Variants in RAPGEFL1 observed in about 807,000 individuals in gnomAD.
The protein encoded by RAPGEFL1 is rap guanine nucleotide exchange factor-like 1.
In RAPGEFL1, 31 loss-of-function variants were observed where a neutral mutation model predicts 64.4. That is an observed-to-expected ratio of 0.48 (90% CI 0.36 to 0.65). The LOEUF (loss-of-function observed/expected upper bound fraction) is 0.65, where lower values mean the gene tolerates loss of function less well. RAPGEFL1 is among the 30% of genes least tolerant of loss of function. The pLI is 0.00. For missense variants in RAPGEFL1, 682 were observed against 677.4 expected (o/e 1.01, Z -0.08); for synonymous variants, 331 against 274.1 (o/e 1.21, Z -2.05).
rs1990402161 is a variant in RAPGEFL1, at chr17:40,194,639, C to G, written c.*851C>G. On this transcript the variant is annotated 3_prime_UTR_variant, in exon 15 of 15. Coordinates refer to ENST00000620260, the MANE Select transcript of RAPGEFL1 (RefSeq NM_016339.6). ...CTCAGCTGCCTAGAGGACCCTCCCC[C>G]TGCCTTGCAGTGGGCTCGGGTAGAG... 6.5e-6 allele frequency: 1 copy of G among 152,704 alleles called. No homozygotes were observed. The highest frequency in any genetic ancestry group is 1.9e-4 in the East Asian group (1 of 5,186). 9.5% of individuals were successfully genotyped at this position (152,704 alleles called of 1,614,324 possible). A position where few individuals can be genotyped will look rare whatever the true frequency, so the allele number is the denominator to read the frequency against.
intron 4 of RAPGEFL1, 37 bp from the exon 5 acceptor site, chr17:40,188,829 G>A: frequency 6.4e-7 from 1 of 1,554,018 alleles, no homozygotes; most frequent in Non-Finnish European, 8.9e-7. Context: ...CCATATGCCT[G>A]GCAGGGCGTG....
rs757909934 is a variant in RAPGEFL1 at position 40,177,477 on chromosome 17, C to T, written c.-385C>T. 10 of 633,156 alleles carry T rather than the reference C, an allele frequency of 1.6e-5. No individual in the cohort carries two copies. The highest frequency in any genetic ancestry group is 3.5e-5 in the South Asian group (2 of 57,254). 39.2% of individuals were successfully genotyped at this position (633,156 alleles called of 1,614,324 possible). On this transcript the variant is annotated 5_prime_UTR_variant, in exon 1 of 15. Coordinates refer to ENST00000620260, the MANE Select transcript of RAPGEFL1 (RefSeq NM_016339.6). ...GCGGTCTCGGTTCTGCCACCTTCCCCCTCTTCACGGCCAGGAGCGCAGCCG... is the reference window on the plus strand; with the variant it reads ...GCGGTCTCGGTTCTGCCACCTTCCCTCTCTTCACGGCCAGGAGCGCAGCCG...
intron 5 of RAPGEFL1, 45 bp downstream of exon 5, chr17:40,189,023 G>T (rs964377181): frequency 1.7e-6 from 2 of 1,200,236 alleles, no homozygotes; most frequent in East Asian, 4.8e-5. Flanking sequence ...GAGTGGCTCA[G>T]GGGGACATAT....
Position 40,191,552 on chromosome 17 carries a change from C to A in RAPGEFL1, c.1515-30C>A. The A allele has an allele frequency of 6.4e-7, 1 of 1,566,416 alleles. No homozygotes were observed. The highest frequency in any genetic ancestry group is 8.6e-7 in the Non-Finnish European group (1 of 1,157,532). The stretch of plus-strand genomic sequence containing the variant: ...GAGGCCGGAGGCCCGCGCCGCCGCC[C>A]GCCCCTGACCCCGCCTCCCACCCCC... On this transcript the variant is annotated intron_variant, in intron 9 of 14. Transcript: ENST00000620260. The surrounding 1 kb of genome is among the most constrained non-coding windows in gnomAD (Gnocchi z 5.1).
chr17:40,182,227 A>G (rs2145203803), intron 2 of RAPGEFL1, among the ~76,000 whole-genome samples: 1 of 152,238 alleles, frequency 6.6e-6, no homozygotes, highest in South Asian at 2.1e-4. Context: ...TGCCCTGCCT[A>G]TCTATTAGCT....
rs1483320606 is a variant in RAPGEFL1 at position 40,191,724 on chromosome 17, C to T, written c.1605+52C>T. ...TGGGAATCTGGGCATCCCGGGCTCC[C>T]CGAAGTGCGTCCTCCCGGGACGGCC... On this transcript the variant is annotated intron_variant, in intron 10 of 14. Transcript: ENST00000620260. This position sits in a 1 kb window ranked among gnomAD's most constrained non-coding sequence, Gnocchi z 5.1. 1.3e-6 allele frequency: 2 copies of T among 1,547,466 alleles called. No individual in the cohort carries two copies. Among genetic ancestry groups the T allele is most frequent in the South Asian group, 2.3e-5 (2 of 85,770 alleles).
Position 40,191,571 on chromosome 17 carries a change from C to T in RAPGEFL1, c.1515-11C>T, listed in dbSNP as rs1469191294. ...GCCGCCCGCCCCTGACCCCGCCTCCCACCCCCGCAGCTGCAAGCAGAACCA... is the reference window on the plus strand; with the variant it reads ...GCCGCCCGCCCCTGACCCCGCCTCCTACCCCCGCAGCTGCAAGCAGAACCA... On this transcript the variant is annotated splice_polypyrimidine_tract_variant and intron_variant, in intron 9 of 14. Transcript: ENST00000620260. This position sits in a 1 kb window ranked among gnomAD's most constrained non-coding sequence, Gnocchi z 5.1. The T allele has an allele frequency of 1.3e-6, 2 of 1,599,074 alleles. No homozygotes were observed. The highest frequency in any genetic ancestry group is 1.7e-5 in the Admixed American group (1 of 57,946).
chr17:40,184,674 C>G lies in RAPGEFL1; in HGVS notation c.829C>G (p.Leu277Val). ...GCACCAGCTGGTGGAGACGGTGGAA[C>G]TAAAGTGAGGGGGAGTGGGGCAGGG... ...RLHQLVETVE[L>V]KIPEENQPPS... The change falls in exon 4 of 15, where the codon CTA becomes GTA. Residue 277 changes from leucine (L) to valine (V), a missense_variant. By Grantham distance (32) the Leu-to-Val change is conservative. Transcript: ENST00000620260. 1 of 1,565,594 alleles carries G rather than the reference C, an allele frequency of 6.4e-7. No individual in the cohort carries two copies. Among genetic ancestry groups the G allele is most frequent in the African/African-American group, 1.4e-5 (1 of 73,778 alleles).
In RAPGEFL1 at chr17:40,190,477, ACTGGGCATCAACAGCCAC is replaced by A. The variant is rs1415761037; in HGVS notation, c.1162_1179del (p.Gly388_Leu393del). 6.2e-7 allele frequency: 1 copy of A among 1,614,016 alleles called. No individual in the cohort carries two copies. Among genetic ancestry groups the A allele is most frequent in the Non-Finnish European group, 8.5e-7 (1 of 1,180,032 alleles). On this transcript the variant is annotated inframe_deletion, in exon 7 of 15. Transcript: ENST00000620260. ...CCACTGAGGACTGTGTTTTCACCGCACTGGGCATCAACAGCCACCTGTTTGCCTGTACTCGGGACAGCT... is the reference window on the plus strand; with the variant it reads ...CCACTGAGGACTGTGTTTTCACCGCACTGTTTGCCTGTACTCGGGACAGCT...
intron 2 of RAPGEFL1, 138 bp from the exon 3 acceptor site, chr17:40,184,076 T>C (rs1042720360): frequency 1.8e-5 from 13 of 736,940 alleles, no homozygotes; most frequent in Non-Finnish European, 2.9e-5. Context: ...ACTCCTGACC[T>C]CAGGTGATCC....
chr17:40,182,393 C>T (rs1009659627), intron 2 of RAPGEFL1, among the ~76,000 whole-genome samples: 2 of 151,660 alleles, frequency 1.3e-5, no homozygotes, highest in Non-Finnish European at 2.9e-5. Context: ...CTCACTGCAG[C>T]CTCTGCCTCC....
rs1490088144 is a variant in RAPGEFL1 at position 40,188,987 on chromosome 17, G to A, written c.946+9G>A. On this transcript the variant is annotated intron_variant, in intron 5 of 14. Transcript: ENST00000620260. ...CCGGGGCTCTGATGAGAGTGAGTGT[G>A]GGCATTAGGAGGGGCAGGGTGTCCT... 1.9e-6 allele frequency: 3 copies of A among 1,611,748 alleles called. No individual in the cohort carries two copies. The highest frequency in any genetic ancestry group is 1.3e-5 in the African/African-American group (1 of 74,962).
At chr17:40,189,437 TG>T in intron 6 of RAPGEFL1, 62 bp downstream of exon 6, 2 of 1,571,400 alleles carry the variant, frequency 1.3e-6, no homozygotes, top group Admixed American at 1.7e-5. Flanking sequence ...CTCAGGGCTC[TG>T]GGGGAGGGGT....
chr17:40,189,409 A>G (rs750253877), intron 6 of RAPGEFL1, 34 bp downstream of exon 6: 6 of 1,609,686 alleles, frequency 3.7e-6, no homozygotes, highest in East Asian at 2.2e-5. Flanking sequence ...TGATGCTCCG[A>G]GAGGAGAAAC....
At chr17:40,186,700 C>T (rs1415038551) in intron 4 of RAPGEFL1, among the ~76,000 whole-genome samples, 2 of 147,988 alleles carry the variant, frequency 1.4e-5, no homozygotes, top group African/African-American at 5.0e-5. Flanking sequence ...TCGAGACCAT[C>T]CTGGCCAACA....
At chr17:40,184,063 C>G in intron 2 of RAPGEFL1, 151 bp from the exon 3 acceptor site, 1 of 709,648 alleles carries the variant, frequency 1.4e-6, no homozygotes, top group Non-Finnish European at 2.5e-6. Context: ...AGACTGGTCT[C>G]GAACTCCTGA....
chr17:40,193,630 G>A (rs754180740), intron 14 of RAPGEFL1, 34 bp from the exon 15 acceptor site: 2 of 1,613,942 alleles, frequency 1.2e-6, no homozygotes, highest in South Asian at 1.1e-5. Flanking sequence ...AGGGAAGCTG[G>A]GAACCTGACT....
Position 40,180,505 on chromosome 17 carries a change from A to G in RAPGEFL1, c.521-1111A>G, listed in dbSNP as rs376386104. Among the ~76,000 whole-genome samples the G allele has an allele frequency of 2.6e-4, 40 of 152,228 alleles. No homozygotes were observed. The East Asian group carries it at 7.3e-3, about 28-fold the overall frequency. ...CAGGGTGTGTGGGAGGAGAGAACTTACAGAAGTTACTCTGAACCTACCAAA... is the reference window on the plus strand; with the variant it reads ...CAGGGTGTGTGGGAGGAGAGAACTTGCAGAAGTTACTCTGAACCTACCAAA... On this transcript the variant is annotated intron_variant, in intron 1 of 14. Coordinates refer to ENST00000620260, the MANE Select transcript of RAPGEFL1 (RefSeq NM_016339.6).
intron 4 of RAPGEFL1, among the ~76,000 whole-genome samples, chr17:40,185,519 C>CAAAA (rs1012933421): frequency 3.0e-4 from 11 of 36,216 alleles, no homozygotes; most frequent in Admixed American, 5.5e-4. Context: ...GTCTCCACTA[C>CAAAA]AAAAAAAAAA....
Sources: gnomAD v4.1 joint callset for allele counts (sites outside exome capture counted in the v4.1 genomes callset) on GRCh38, gnomAD v4.1.1 for gene constraint, Gnocchi (gnomAD v3.1) non-coding constraint, MANE v1.5 for transcripts, NCBI Gene and HGNC (gene_info 2026-07-23, HGNC 2026-07-21) for gene names.